PPA1: variants seen among roughly 807,000 people sequenced by gnomAD.
The protein encoded by PPA1 is inorganic pyrophosphatase.
A neutral mutation model predicts 41.8 loss-of-function variants in PPA1; 23 were observed. The ratio of observed to expected loss-of-function variants is 0.55; its 90% CI spans 0.40 to 0.78. The LOEUF (loss-of-function observed/expected upper bound fraction) is 0.78. Ranked by LOEUF, PPA1 falls within the 30% of genes least tolerant of loss-of-function variation. The pLI is 0.00. For synonymous variants in PPA1, 101 were observed against 116.8 expected (o/e 0.86, Z 0.87); for missense variants, 320 against 361.6 (o/e 0.89, Z 0.93).
chr10:70,224,796 T>A (rs1442753072), intron 2 of PPA1, among the ~76,000 whole-genome samples: 1 of 152,210 alleles, frequency 6.6e-6, no homozygotes, highest in East Asian at 1.9e-4. Flanking sequence ...AATGGTGCAA[T>A]CTCGGCTCAC....
chr10:70,204,936 A>C, intron 9 of PPA1, 21 bp from the exon 10 acceptor site: 2 of 1,556,878 alleles, frequency 1.3e-6, no homozygotes, highest in Non-Finnish European at 1.8e-6. Flanking sequence ...AAATATTAAA[A>C]TCTATTAGTC....
At chr10:70,224,979 C>T (rs559936765) in intron 2 of PPA1, among the ~76,000 whole-genome samples, 147 of 152,320 alleles carry the variant, frequency 9.7e-4, no homozygotes, top group African/African-American at 3.4e-3. Flanking sequence ...GATCCGCCCA[C>T]CTTGGCCCCC....
intron 8 of PPA1, among the ~76,000 whole-genome samples, chr10:70,207,407 C>G (rs1839958161): frequency 6.6e-6 from 1 of 152,102 alleles, no homozygotes; most frequent in Non-Finnish European, 1.5e-5. Flanking sequence ...TGGCTCGCAT[C>G]TGTAGTCTAA....
intron 2 of PPA1, 35 bp downstream of exon 2, chr10:70,230,306 T>C (rs1840276243): frequency 1.2e-6 from 2 of 1,607,368 alleles, no homozygotes; most frequent in African/African-American, 2.7e-5. Context: ...CTGATCTGAG[T>C]AAAGAGACTG....
chr10:70,216,979 A>T (rs1840088058), intron 4 of PPA1, among the ~76,000 whole-genome samples: 1 of 152,086 alleles, frequency 6.6e-6, no homozygotes. Flanking sequence ...CCATCTGGCT[A>T]ACACAGTGAA....
At chr10:70,206,554 A>G (rs1195330613) in intron 8 of PPA1, among the ~76,000 whole-genome samples, 12 of 152,064 alleles carry the variant, frequency 7.9e-5, no homozygotes, top group Non-Finnish European at 1.8e-4. Context: ...GATTTAAGAA[A>G]CTGAGATTGG....
At chr10:70,204,779 T>C in intron 10 of PPA1, 94 bp downstream of exon 10, 1 of 1,035,204 alleles carries the variant, frequency 9.7e-7, no homozygotes, top group Non-Finnish European at 1.4e-6. Flanking sequence ...CATAAATATA[T>C]TTAATTATCA....
chr10:70,233,311 G>C lies in PPA1; in HGVS notation c.17C>G (p.Thr6Ser), dbSNP rs74653821. 2 of 1,540,528 alleles carry C rather than the reference G, an allele frequency of 1.3e-6. No homozygotes were observed. The highest frequency in any genetic ancestry group is 1.4e-5 in the African/African-American group (1 of 71,808). ...GGAGAAGGGCGCGGCGCGCTCCTCG[G>C]TGCTGAAGCCGCTCATAGTGCCGGA... The part of the protein sequence containing the change: MSGFS[T>S]EERAAPFSLE... Residue 6 changes from threonine to serine, a missense_variant, in exon 1 of 11, where the codon ACC (threonine) becomes AGC (serine). Coordinates refer to ENST00000373232, the MANE Select transcript of PPA1 (RefSeq NM_021129.4).
intron 1 of PPA1, among the ~76,000 whole-genome samples, chr10:70,231,253 C>T (rs1364956859): frequency 6.6e-6 from 1 of 152,312 alleles, no homozygotes; most frequent in African/African-American, 2.4e-5. Flanking sequence ...CTGTCCACAT[C>T]GCATCCCTTC....
Position 70,233,294 on chromosome 10 carries a change from G to A in PPA1, c.34C>T (p.Pro12Ser), listed in dbSNP as rs1470015531. The A allele has an allele frequency of 6.5e-7, 1 of 1,542,636 alleles. No homozygotes were observed. The highest frequency in any genetic ancestry group is 8.7e-7 in the Non-Finnish European group (1 of 1,144,596). Reference sequence around the variant, plus strand: ...AAGACTCGGTACTCCAGGGAGAAGGGCGCGGCGCGCTCCTCGGTGCTGAAG... The same window carrying A: ...AAGACTCGGTACTCCAGGGAGAAGGACGCGGCGCGCTCCTCGGTGCTGAAG... ...SGFSTEERAA[P>S]FSLEYRVFLK... The change falls in exon 1 of 11, where the codon CCC becomes TCC. Residue 12 changes from proline (P) to serine (S), a missense_variant. Coordinates refer to ENST00000373232, the MANE Select transcript of PPA1 (RefSeq NM_021129.4).
At chr10:70,222,271 G>C (rs1840179758) in intron 2 of PPA1, among the ~76,000 whole-genome samples, 1 of 143,596 alleles carries the variant, frequency 7.0e-6, no homozygotes, top group South Asian at 2.2e-4. Context: ...GGGAGGCGGA[G>C]GTTGCAGTGA....
chr10:70,231,127 C>G (rs1840286237), intron 1 of PPA1, among the ~76,000 whole-genome samples: 1 of 152,214 alleles, frequency 6.6e-6, no homozygotes, highest in Non-Finnish European at 1.5e-5. Flanking sequence ...TTGCAACAAA[C>G]ATCTTCACAA....
intron 2 of PPA1, among the ~76,000 whole-genome samples, chr10:70,229,987 C>A (rs1465791274): frequency 3.3e-5 from 5 of 152,132 alleles, no homozygotes; most frequent in African/African-American, 9.7e-5. Flanking sequence ...CGGCTCACTG[C>A]AACCTCTGCC....
chr10:70,229,611 C>G (rs1003213251), intron 2 of PPA1, among the ~76,000 whole-genome samples: 1 of 152,176 alleles, frequency 6.6e-6, no homozygotes, highest in African/African-American at 2.4e-5. Context: ...CAAATCTTAA[C>G]GGTACTAGCC....
chr10:70,227,554 A>G (rs1344578143), intron 2 of PPA1, among the ~76,000 whole-genome samples: 1 of 148,062 alleles, frequency 6.8e-6, no homozygotes, highest in African/African-American at 2.5e-5. Flanking sequence ...AGGAGGCTGG[A>G]GCAGGAGGAT....
chr10:70,210,325 C>T, intron 6 of PPA1: 1 of 1,334,862 alleles, frequency 7.5e-7, no homozygotes. Context: ...AATCCTCCTG[C>T]CTTGGCTTCC....
In PPA1 at chr10:70,218,760, T is replaced by G; in HGVS notation, c.177+4A>C. ...TCTGACTCAAATGTAAGGTGAAATA[T>G]TACCTCCATTTTTGCATTAGACCAG... is the stretch of plus-strand genomic sequence containing the variant. On this transcript the variant is annotated splice_donor_region_variant and intron_variant, in intron 3 of 10. Coordinates refer to ENST00000373232, the MANE Select transcript of PPA1 (RefSeq NM_021129.4). 1 of 1,601,754 alleles carries G rather than the reference T, an allele frequency of 6.2e-7. No individual in the cohort carries two copies. Among genetic ancestry groups the G allele is most frequent in the African/African-American group, 1.3e-5 (1 of 74,738 alleles).
At chr10:70,221,699 A>C (rs1212053816) in intron 2 of PPA1, among the ~76,000 whole-genome samples, 4 of 152,220 alleles carry the variant, frequency 2.6e-5, no homozygotes, top group African/African-American at 9.7e-5. Flanking sequence ...AGTACCCTAA[A>C]GATTCACAAG....
At chr10:70,218,512 G>T in intron 3 of PPA1, 1 of 457,012 alleles carries the variant, frequency 2.2e-6, no homozygotes, top group African/African-American at 2.0e-5. Context: ...AGGAGAAAAA[G>T]TAATTCTAGG....
Sources: allele counts gnomAD v4.1 joint callset (sites outside exome capture counted in the v4.1 genomes callset), GRCh38; gene constraint gnomAD v4.1.1; transcripts MANE v1.5; gene names NCBI Gene and HGNC (gene_info 2026-07-23, HGNC 2026-07-21).